Variants in CCDC125 observed in about 807,000 individuals in gnomAD.
CCDC125 encodes coiled-coil domain-containing protein 125.
Under a neutral mutation model 57.4 loss-of-function variants are expected in CCDC125, and 43 were observed. The observed-to-expected ratio is 0.75, with a 90% CI of 0.59 to 0.97. The LOEUF (loss-of-function observed/expected upper bound fraction) is 0.97, where lower values mean the gene tolerates loss of function less well. CCDC125 is among the 50% of genes least tolerant of loss of function. The pLI is 0.00. For synonymous variants in CCDC125, 187 were observed against 195.2 expected (o/e 0.96, Z 0.35); for missense variants, 563 against 595.7 (o/e 0.95, Z 0.57).
downstream of CCDC125, among the ~76,000 whole-genome samples, chr5:69,279,436 T>G (rs1752364992): frequency 6.6e-6 from 1 of 152,178 alleles, no homozygotes; most frequent in Non-Finnish European, 1.5e-5. Flanking sequence ...GACCTCGTGA[T>G]CCGCCCACCT....
At chr5:69,289,610 A>G (rs1754063350) in intron 10 of CCDC125, among the ~76,000 whole-genome samples, 1 of 152,180 alleles carries the variant, frequency 6.6e-6, no homozygotes. Context: ...ATCTGTAACC[A>G]CAGCATTTTG....
At chr5:69,288,860 G>A (rs1339042750) in intron 10 of CCDC125, among the ~76,000 whole-genome samples, 1 of 152,180 alleles carries the variant, frequency 6.6e-6, no homozygotes, top group Non-Finnish European at 1.5e-5. Context: ...GCTGGTGTGT[G>A]GGGAATCCCC....
rs758105311 is a variant in CCDC125, at chr5:69,282,897, G to A, written c.1368C>T (p.Asn456=). The change falls in exon 12 of 12, where the codon AAC becomes AAT. Residue 456 remains asparagine, a synonymous_variant. Transcript: ENST00000396496. ...NPIKENFPFN[N]PWRKTSEFSV... ...AGAATTCTGAAGTCTTACGCCAGGG[G>A]TTGTTGAAAGGGAAATTCTCTTTTA... The A allele has an allele frequency of 6.2e-7, 1 of 1,614,108 alleles. No individual in the cohort carries two copies. The highest frequency in any genetic ancestry group is 8.5e-7 in the Non-Finnish European group (1 of 1,180,014).
At chr5:69,320,160 A>T in intron 2 of CCDC125, 77 bp downstream of exon 2, 1 of 1,272,764 alleles carries the variant, frequency 7.9e-7, no homozygotes, top group Non-Finnish European at 1.1e-6. Flanking sequence ...ATGGTTATTT[A>T]TTTTAGATTT....
At chr5:69,283,079 A>G (rs1340596006) in intron 11 of CCDC125, 45 bp from the exon 12 acceptor site, 1 of 1,423,738 alleles carries the variant, frequency 7.0e-7, no homozygotes, top group East Asian at 2.3e-5. Flanking sequence ...TCAATAAATC[A>G]CAGAATATAT....
intron 10 of CCDC125, among the ~76,000 whole-genome samples, chr5:69,290,911 T>C (rs945051330): frequency 4.6e-5 from 7 of 152,176 alleles, no homozygotes; most frequent in African/African-American, 1.7e-4. Context: ...ATTACAGGCA[T>C]GAGCCACGAC....
At chr5:69,287,640 A>T in intron 10 of CCDC125, among the ~76,000 whole-genome samples, 1 of 148,662 alleles carries the variant, frequency 6.7e-6, no homozygotes, top group Admixed American at 6.7e-5. Context: ...TGGGATCATG[A>T]CTCACTGCAG....
chr5:69,327,942 G>T (rs561681389), intron 1 of CCDC125, among the ~76,000 whole-genome samples: 1 of 152,294 alleles, frequency 6.6e-6, no homozygotes, highest in East Asian at 1.9e-4. Context: ...TTTATTGAGG[G>T]CTGGAGTGCA....
the CCDC125 span, among the ~76,000 whole-genome samples, chr5:69,274,025 T>TA: frequency 6.6e-6 from 1 of 152,198 alleles, no homozygotes; most frequent in Non-Finnish European, 1.5e-5. Flanking sequence ...TGTGTACACA[T>TA]ACTCTTTTAA....
the CCDC125 span, among the ~76,000 whole-genome samples, chr5:69,274,427 G>T: frequency 3.9e-5 from 6 of 152,130 alleles, no homozygotes; most frequent in South Asian, 1.2e-3. Context: ...TTGAGCCCAG[G>T]AGTTGGAGCC....
intron 2 of CCDC125, among the ~76,000 whole-genome samples, chr5:69,319,962 A>T (rs900814737): frequency 5.9e-5 from 9 of 152,060 alleles, no homozygotes; most frequent in Non-Finnish European, 1.2e-4. Context: ...CTCTACTAAA[A>T]ACACAAAAAT....
At chr5:69,277,334 C>A (rs1752251069), downstream of CCDC125, 1 of 425,048 alleles carries the variant, frequency 2.4e-6, no homozygotes, top group Non-Finnish European at 4.2e-6. Context: ...GATTAGAGTG[C>A]AAAAGTGAGA....
chr5:69,284,231 A>G (rs1029009038), intron 11 of CCDC125, among the ~76,000 whole-genome samples: 1 of 152,210 alleles, frequency 6.6e-6, no homozygotes, highest in Non-Finnish European at 1.5e-5. Flanking sequence ...CAACATATAA[A>G]AAATATATCA....
intron 4 of CCDC125, chr5:69,308,968 C>T (rs1388309895): frequency 6.5e-6 from 1 of 152,804 alleles, no homozygotes; most frequent in Non-Finnish European, 1.5e-5. Context: ...TGCCCCTGCC[C>T]TAGAGATCTG....
rs772970568 is a variant in CCDC125 at position 69,292,254 on chromosome 5, T to C, written c.1033A>G (p.Thr345Ala). The change falls in exon 10 of 12, where the codon ACA becomes GCA. Residue 345 changes from threonine to alanine, a missense_variant. Thr to Ala is a moderately conservative substitution (Grantham distance 58). Transcript: ENST00000396496. Reference protein sequence around the residue: ...MRKNDQALQLTQMDKMHKKAT... With the variant: ...MRKNDQALQLAQMDKMHKKAT... Reference sequence around the variant, plus strand: ...TTTTTATGCATTTTATCCATTTGTGTCAATTGTAGTGCCTGGTCATTTTTT... The same window carrying C: ...TTTTTATGCATTTTATCCATTTGTGCCAATTGTAGTGCCTGGTCATTTTTT... 1 of 1,613,860 alleles carries C rather than the reference T, an allele frequency of 6.2e-7. No individual in the cohort carries two copies. Among genetic ancestry groups the C allele is most frequent in the East Asian group, 2.2e-5 (1 of 44,876 alleles).
At chr5:69,300,541 G>A (rs1756224135) in intron 7 of CCDC125, among the ~76,000 whole-genome samples, 1 of 152,166 alleles carries the variant, frequency 6.6e-6, no homozygotes, top group South Asian at 2.1e-4. Context: ...TGTATTAGGA[G>A]TTTTCACAAG....
In CCDC125 at chr5:69,292,202, T is replaced by C. The variant is rs112794294; in HGVS notation, c.1085A>G (p.His362Arg). 2,955 of 1,612,764 alleles carry C rather than the reference T, an allele frequency of 1.8e-3. 46 individuals are homozygous for C. The African/African-American group carries it at 0.035, about 19-fold the overall frequency. Residue 362 changes from histidine (H) to arginine (R), a missense_variant, in exon 10 of 12, where the codon CAC becomes CGC. Transcript: ENST00000396496. ...TTCATAGTTACCATCCTCTTTAAGG[T>C]GCTTCCAATTCATCCATTTTGTTGC... ...KKATKWMNWK[H>R]LKEDGFPSPR...
intron 1 of CCDC125, among the ~76,000 whole-genome samples, chr5:69,328,196 T>G (rs11958157): frequency 0.13 from 19,353 of 152,200 alleles, 2,491 homozygotes; most frequent in African/African-American, 0.33. Flanking sequence ...AAGCCTGGAC[T>G]TTTTTTGTTT....
intron 6 of CCDC125, among the ~76,000 whole-genome samples, chr5:69,304,422 C>CT (rs35397437): frequency 0.42 from 56,028 of 133,850 alleles, 12,056 homozygotes; most frequent in South Asian, 0.46. Flanking sequence ...TAAACATACC[C>CT]TTTTTTTTTT....
Sources: gnomAD v4.1 joint callset for allele counts (sites outside exome capture counted in the v4.1 genomes callset) on GRCh38, gnomAD v4.1.1 for gene constraint, MANE v1.5 for transcripts, NCBI Gene and HGNC (gene_info 2026-07-23, HGNC 2026-07-21) for gene names.